TMTC2: variants seen among roughly 807,000 people sequenced by gnomAD.
The protein encoded by TMTC2 is protein O-mannosyl-transferase TMTC2.
Under a neutral mutation model 82.4 loss-of-function variants are expected in TMTC2, and 43 were observed. The observed-to-expected ratio is 0.52, with a 90% CI of 0.41 to 0.67. TMTC2 has a LOEUF of 0.67. Among genes scored for constraint, TMTC2 ranks in the 30% least tolerant of loss-of-function variants. TMTC2 has a pLI of 0.00. For missense variants in TMTC2, 919 were observed against 1,012.4 expected (o/e 0.91, Z 1.25); for synonymous variants, 408 against 381.9 (o/e 1.07, Z -0.80).
intron 9 of TMTC2, among the ~76,000 whole-genome samples, chr12:83,033,886 GTGTA>G (rs1565862526): frequency 2.0e-5 from 3 of 149,322 alleles, no homozygotes; most frequent in African/African-American, 7.4e-5. Flanking sequence ...ATATATGTGT[GTGTA>G]TATATATATA....
chr12:82,719,085 A>ATTTTTTTTTTTT (rs71068944), intron 1 of TMTC2, among the ~76,000 whole-genome samples: 1 of 41,404 alleles, frequency 2.4e-5, no homozygotes, highest in Non-Finnish European at 3.8e-5. Context: ...ATATATATAT[A>ATTTTTTTTTTTT]TTTTTTTTTT....
intron 1 of TMTC2, among the ~76,000 whole-genome samples, chr12:82,717,219 T>C (rs1183611672): frequency 2.1e-5 from 2 of 97,308 alleles, no homozygotes; most frequent in Admixed American, 1.2e-4. Flanking sequence ...CAAAAGGCAC[T>C]TTTTTTTTTT....
chr12:82,968,395 A>G (rs887475732), intron 7 of TMTC2, among the ~76,000 whole-genome samples: 1 of 152,186 alleles, frequency 6.6e-6, no homozygotes, highest in Non-Finnish European at 1.5e-5. Context: ...CGCTTAGGAT[A>G]TGTAGATTTA....
At chr12:82,831,194 T>A (rs1869727754) in intron 1 of TMTC2, among the ~76,000 whole-genome samples, 1 of 152,220 alleles carries the variant, frequency 6.6e-6, no homozygotes, top group Non-Finnish European at 1.5e-5. Context: ...TAAACTATAA[T>A]AAGGTTACTA....
chr12:83,070,233 G>A (rs1010365989), intron 11 of TMTC2, among the ~76,000 whole-genome samples: 2 of 152,100 alleles, frequency 1.3e-5, no homozygotes, highest in Admixed American at 6.6e-5. Context: ...AAGGATGGTG[G>A]TATTTTGATG....
chr12:82,923,910 G>T (rs1875540454), intron 3 of TMTC2, among the ~76,000 whole-genome samples: 1 of 152,078 alleles, frequency 6.6e-6, no homozygotes, highest in Non-Finnish European at 1.5e-5. Context: ...AAATTGACAT[G>T]ATATTAAAAA....
chr12:82,787,681 G>A (rs2137017975), intron 1 of TMTC2, among the ~76,000 whole-genome samples: 1 of 152,212 alleles, frequency 6.6e-6, no homozygotes, highest in East Asian at 1.9e-4. Flanking sequence ...AGCCGAGGTG[G>A]GTGGATCACA....
rs189004095 is a variant in TMTC2, at chr12:82,900,615, T to G, written c.1483+3969T>G. 7.2e-3 allele frequency among the ~76,000 whole-genome samples: 997 copies of G among 138,242 alleles called. 11 individuals are homozygous for G. The highest frequency in any genetic ancestry group is 9.8e-3 in the Non-Finnish European group (633 of 64,918). The allele number at this position is 138,242 out of a possible 152,430, so 90.7% of individuals were successfully genotyped here. ...ATATGTAGGAATATATATAGGAATA[T>G]ATATAGAGAGGAATATATATAGGAA... On this transcript the variant is annotated intron_variant, in intron 3 of 11. Transcript: ENST00000321196.
chr12:82,728,849 G>A (rs562502841), intron 1 of TMTC2, among the ~76,000 whole-genome samples: 1 of 152,318 alleles, frequency 6.6e-6, no homozygotes, highest in South Asian at 2.1e-4. Context: ...TGGGCTCGGC[G>A]GCCCTGCACT....
chr12:82,776,815 G>C (rs893947848), intron 1 of TMTC2, among the ~76,000 whole-genome samples: 3 of 152,006 alleles, frequency 2.0e-5, no homozygotes, highest in Admixed American at 1.3e-4. Flanking sequence ...GCTCACACCT[G>C]TAGTCCCAGC....
Position 82,808,600 on chromosome 12 carries a change from T to C in TMTC2, c.84-48410T>C, listed in dbSNP as rs551041833. ...TTCATCTGTTTATTATTCAGACATA[T>C]ATTGGTCACCGTTATATGCCAGGAG... On this transcript the variant is annotated intron_variant, in intron 1 of 11. Coordinates refer to ENST00000321196, the MANE Select transcript of TMTC2 (RefSeq NM_152588.3). Among the ~76,000 whole-genome samples the C allele has an allele frequency of 2.6e-5, 4 of 152,184 alleles. No homozygotes were observed. The South Asian group carries it at 6.2e-4, about 24-fold the overall frequency.
rs146250843 is a variant in TMTC2 at position 82,780,661 on chromosome 12, AT to A, written c.84-76348del. On this transcript the variant is annotated intron_variant, in intron 1 of 11. Coordinates refer to ENST00000321196, the MANE Select transcript of TMTC2 (RefSeq NM_152588.3). Reference sequence around the variant, plus strand: ...TCTCTTCATAAGCAACAACAAAAAAATGTTTGCGTCATGAGAAATTTGAACT... The same window carrying A: ...TCTCTTCATAAGCAACAACAAAAAAAGTTTGCGTCATGAGAAATTTGAACT... 4.4e-3 allele frequency among the ~76,000 whole-genome samples: 670 copies of A among 152,280 alleles called. 4 individuals carry two copies. Among genetic ancestry groups the A allele is most frequent in the African/African-American group, 0.016 (646 of 41,570 alleles).
chr12:82,961,696 G>T (rs577763359), intron 4 of TMTC2, among the ~76,000 whole-genome samples: 2 of 152,102 alleles, frequency 1.3e-5, no homozygotes, highest in African/African-American at 4.8e-5. Flanking sequence ...GCAGTCTCCA[G>T]TCCTATTTGG....
intron 9 of TMTC2, among the ~76,000 whole-genome samples, chr12:83,035,969 G>C (rs904875456): frequency 6.6e-6 from 1 of 152,132 alleles, no homozygotes; most frequent in East Asian, 1.9e-4. Flanking sequence ...ATTGAGGACT[G>C]ATGTGTGAAA....
chr12:83,005,206 T>TAAAAA (rs59772281), intron 8 of TMTC2, among the ~76,000 whole-genome samples: 101 of 36,354 alleles, frequency 2.8e-3, no homozygotes, highest in South Asian at 9.0e-3. Context: ...TTTGTCTTAT[T>TAAAAA]AAAAAAAAAA....
In TMTC2 at chr12:82,687,323, C is replaced by A; in HGVS notation, c.-264C>A. The A allele has an allele frequency of 1.9e-6, 1 of 534,154 alleles. No individual in the cohort carries two copies. The highest frequency in any genetic ancestry group is 3.3e-5 in the Admixed American group (1 of 30,244). The allele number at this position is 534,154 out of a possible 1,614,324, so 33.1% of individuals were successfully genotyped here. ...TCCGCCGGGGGACGCGGAGCCCAAA[C>A]GCCGCTCACCGCTTGCGGGCGCCGG... On this transcript the variant is annotated 5_prime_UTR_variant, in exon 1 of 12. Transcript: ENST00000321196.
At chr12:82,816,618 T>C (rs887359648) in intron 1 of TMTC2, among the ~76,000 whole-genome samples, 1 of 152,120 alleles carries the variant, frequency 6.6e-6, no homozygotes, top group Non-Finnish European at 1.5e-5. Context: ...GGAAGGTGTC[T>C]CCTTTACCTT....
intron 7 of TMTC2, among the ~76,000 whole-genome samples, chr12:82,977,433 A>G (rs1173389518): frequency 1.3e-5 from 2 of 151,924 alleles, no homozygotes; most frequent in East Asian, 3.9e-4. Context: ...CCTGGAAATA[A>G]TAACAAATTA....
chr12:82,827,982 TC>T (rs1273949445), intron 1 of TMTC2, among the ~76,000 whole-genome samples: 4 of 150,744 alleles, frequency 2.7e-5, no homozygotes, highest in Admixed American at 2.0e-4. Context: ...AACCTCCGCC[TC>T]CCCGGTTTAA....
Sources: allele counts gnomAD v4.1 joint callset (sites outside exome capture counted in the v4.1 genomes callset), GRCh38; gene constraint gnomAD v4.1.1; transcripts MANE v1.5; gene names NCBI Gene and HGNC (gene_info 2026-07-23, HGNC 2026-07-21).